The following DSCAML1 variants were observed in gnomAD, a reference collection of about 807,000 sequenced individuals.
DSCAML1 encodes the protein DS cell adhesion molecule like 1.
In DSCAML1, 38 loss-of-function variants were observed where a neutral mutation model predicts 200.5. That is an observed-to-expected ratio of 0.19 (90% CI 0.15 to 0.25). DSCAML1 has a LOEUF of 0.25. Ranked by LOEUF, DSCAML1 falls within the 10% of genes least tolerant of loss-of-function variation. DSCAML1 has a pLI of 1.00. For synonymous variants in DSCAML1, 1,215 were observed against 1,165.0 expected (o/e 1.04, Z -0.87); for missense variants, 2,223 against 2,858.8 (o/e 0.78, Z 5.07).
chr11:117,808,949 G>A (rs922680661), intron 1 of DSCAML1, among the ~76,000 whole-genome samples: 1 of 152,116 alleles, frequency 6.6e-6, no homozygotes, highest in African/African-American at 2.4e-5. Flanking sequence ...CTGAGGCTCC[G>A]AGACACTAAA....
chr11:117,467,960 C>T lies in DSCAML1; in HGVS notation c.3024+1950G>A, dbSNP rs1037388199. 9.2e-5 allele frequency among the ~76,000 whole-genome samples: 14 copies of T among 152,130 alleles called. No homozygotes were observed. The East Asian group carries it at 1.7e-3, about 19-fold the overall frequency. On this transcript the variant is annotated intron_variant, in intron 16 of 32. Transcript: ENST00000651296. ...GTATACCATGATATATACCTGCACA[C>T]GTGACCACATCCACATATACTGACA...
chr11:117,432,358 C>T lies in DSCAML1; in HGVS notation c.5173G>A (p.Gly1725Arg). The T allele has an allele frequency of 6.2e-7, 1 of 1,613,388 alleles. No individual in the cohort carries two copies. Among genetic ancestry groups the T allele is most frequent in the South Asian group, 1.1e-5 (1 of 90,854 alleles). Reference protein sequence around the residue: ...PLIDMSDIRPGTNPVSRKNVK... With the variant: ...PLIDMSDIRPRTNPVSRKNVK... ...CCCTGGGGATAATGCGTACTGGTTC[C>T]TGGCCGGATGTCAGACATGTCGATG... The change falls in exon 30 of 33, where the codon GGA becomes AGA. Residue 1725 changes from glycine (G) to arginine (R), a missense_variant. Coordinates refer to ENST00000651296, the MANE Select transcript of DSCAML1 (RefSeq NM_020693.4).
At position 117,469,559 on chromosome 11, in the gene DSCAML1, C is replaced by G. The variant is rs963605627; in HGVS notation, c.3024+351G>C. Among the ~76,000 whole-genome samples the G allele has an allele frequency of 6.6e-6, 1 of 152,076 alleles. No individual in the cohort carries two copies. The highest frequency in any genetic ancestry group is 6.5e-5 in the Admixed American group (1 of 15,272). On this transcript the variant is annotated intron_variant, in intron 16 of 32. Coordinates refer to ENST00000651296, the MANE Select transcript of DSCAML1 (RefSeq NM_020693.4). This position sits in a 1 kb window ranked among gnomAD's most constrained non-coding sequence, Gnocchi z 4.1. ...GATGTTAGAAAGGAGGAACTTGGCACAAAATCAAACCTACTTCCAACCTTA... is the reference window on the plus strand; with the variant it reads ...GATGTTAGAAAGGAGGAACTTGGCAGAAAATCAAACCTACTTCCAACCTTA...
chr11:117,531,980 A>G (rs2050088363), intron 4 of DSCAML1, among the ~76,000 whole-genome samples: 1 of 151,446 alleles, frequency 6.6e-6, no homozygotes, highest in African/African-American at 2.4e-5. Flanking sequence ...CGAAATAAAG[A>G]AAGAAAGGAA....
chr11:117,481,125 C>T lies in DSCAML1; in HGVS notation c.2656+49G>A, dbSNP rs201736625. On this transcript the variant is annotated intron_variant, in intron 13 of 32. Transcript: ENST00000651296. Reference sequence around the variant, plus strand: ...TTTGAGGTGGAGTTAGCGGTGGGCCCCTGGGCCCTGGGGAGGTGGGATGGG... The same window carrying T: ...TTTGAGGTGGAGTTAGCGGTGGGCCTCTGGGCCCTGGGGAGGTGGGATGGG... The T allele has an allele frequency of 1.9e-3, 2,922 of 1,577,256 alleles. 8 individuals are homozygous for T. The highest frequency in any genetic ancestry group is 1.9e-3 in the Non-Finnish European group (2,169 of 1,147,038).
intron 3 of DSCAML1, among the ~76,000 whole-genome samples, chr11:117,534,453 ATCT>A (rs1266294103): frequency 6.6e-6 from 1 of 151,970 alleles, no homozygotes; most frequent in Non-Finnish European, 1.5e-5. Context: ...GTGACCACTG[ATCT>A]TCTTGGCGCT....
chr11:117,790,435 C>A (rs2055439691), intron 1 of DSCAML1, among the ~76,000 whole-genome samples: 2 of 152,250 alleles, frequency 1.3e-5, no homozygotes, highest in Admixed American at 1.3e-4. Context: ...AGCTGTTCCC[C>A]ATGATGCTGA....
rs191478687 is a variant in DSCAML1 at position 117,554,941 on chromosome 11, C to G, written c.512-22419G>C. On this transcript the variant is annotated intron_variant, in intron 3 of 32. Transcript: ENST00000651296. ...AATGGAGACAGTACCCAAACTCATC[C>G]CCTCTGACTGCTTCCACGTCCCCTG... Among the ~76,000 whole-genome samples, 28 of 152,298 alleles carry G rather than the reference C, an allele frequency of 1.8e-4. No individual in the cohort carries two copies. In the East Asian group the frequency reaches 5.4e-3, roughly 29 times the overall value.
rs533415401 is a variant in DSCAML1, at chr11:117,547,996, C to T, written c.512-15474G>A. Among the ~76,000 whole-genome samples the T allele has an allele frequency of 4.6e-5, 7 of 152,312 alleles. No homozygotes were observed. In the South Asian group the frequency reaches 6.2e-4, roughly 14 times the overall value. Reference sequence around the variant, plus strand: ...CCCTTCCTGGAGAAGACCCCCACCACGGGTCTTTCTGCCTTATGTGCCGCT... The same window carrying T: ...CCCTTCCTGGAGAAGACCCCCACCATGGGTCTTTCTGCCTTATGTGCCGCT... On this transcript the variant is annotated intron_variant, in intron 3 of 32. Transcript: ENST00000651296.
intron 3 of DSCAML1, among the ~76,000 whole-genome samples, chr11:117,766,720 C>T (rs911860406): frequency 1.3e-5 from 2 of 152,184 alleles, no homozygotes; most frequent in Non-Finnish European, 2.9e-5. Context: ...GGAAATGCAG[C>T]GCCTGCCATG....
At position 117,780,807 on chromosome 11, in the gene DSCAML1, C is replaced by T. The variant is rs766813596; in HGVS notation, c.50G>A (p.Arg17His). The T allele has an allele frequency of 4.9e-6, 7 of 1,442,836 alleles. No individual in the cohort carries two copies. Among genetic ancestry groups the T allele is most frequent in the African/African-American group, 1.4e-5 (1 of 69,882 alleles). 89.4% of individuals were successfully genotyped at this position (1,442,836 alleles called of 1,614,324 possible). A position where few individuals can be genotyped will look rare whatever the true frequency, so the allele number is the denominator to read the frequency against. The change falls in exon 2 of 33, where the codon CGC (arginine) becomes CAC (histidine). Residue 17 changes from arginine (R) to histidine (H), a missense_variant. Arg to His is a conservative substitution (Grantham distance 29). This residue lies in a region of DSCAML1 where 579 missense variants were observed against 721.5 expected (regional missense o/e 0.80). Coordinates refer to ENST00000651296, the MANE Select transcript of DSCAML1 (RefSeq NM_020693.4). This position sits in a 1 kb window ranked among gnomAD's most constrained non-coding sequence, Gnocchi z 4.8. ...LLLLDSLHKA[R>H]PEDVGTSLYF... Reference sequence around the variant, plus strand: ...GAGGCTGGTGCCAACATCTTCAGGGCGGGCTGCAGGAGAGGCAAGGGGAGA... The same window carrying T: ...GAGGCTGGTGCCAACATCTTCAGGGTGGGCTGCAGGAGAGGCAAGGGGAGA...
chr11:117,511,477 A>G (rs938637807), intron 8 of DSCAML1, among the ~76,000 whole-genome samples: 3 of 152,184 alleles, frequency 2.0e-5, no homozygotes, highest in Non-Finnish European at 4.4e-5. Flanking sequence ...ATTATTTTTC[A>G]GCTACAGGTG....
chr11:117,580,637 C>G (rs1441852125), intron 3 of DSCAML1, among the ~76,000 whole-genome samples: 1 of 152,146 alleles, frequency 6.6e-6, no homozygotes. Flanking sequence ...TCTGAGGTAC[C>G]AGGGTTCCCT....
chr11:117,496,663 A>G (rs924857743), intron 11 of DSCAML1, among the ~76,000 whole-genome samples: 2 of 152,216 alleles, frequency 1.3e-5, no homozygotes, highest in Admixed American at 1.3e-4. Flanking sequence ...TGGGGACTGC[A>G]GGGATGAGAG....
At chr11:117,746,913 C>A (rs1260237327) in intron 3 of DSCAML1, among the ~76,000 whole-genome samples, 1 of 152,188 alleles carries the variant, frequency 6.6e-6, no homozygotes, top group Admixed American at 6.5e-5. Flanking sequence ...TTTGGACATG[C>A]CTCCAACACA....
intron 6 of DSCAML1, among the ~76,000 whole-genome samples, chr11:117,520,007 C>T (rs1013767936): frequency 2.6e-5 from 4 of 152,126 alleles, no homozygotes; most frequent in African/African-American, 4.8e-5. Context: ...ATCTTTGTTA[C>T]GACAAATCCT....
chr11:117,524,883 C>T lies in DSCAML1; in HGVS notation c.859G>A (p.Glu287Lys), dbSNP rs575971862. ...TGLTISDLRT[E>K]DSGTYICEVT... ...TCACAAATGTAGGTGCCGCTGTCCTCGGTCCGCAAGTCGCTGATGGTCAGC... is the reference window on the plus strand; with the variant it reads ...TCACAAATGTAGGTGCCGCTGTCCTTGGTCCGCAAGTCGCTGATGGTCAGC... Residue 287 changes from glutamate to lysine, a missense_variant, in exon 5 of 33, where the codon GAG becomes AAG. Glu to Lys is a moderately conservative substitution (Grantham distance 56, BLOSUM62 1). This residue lies in a region of DSCAML1 where 579 missense variants were observed against 721.5 expected (regional missense o/e 0.80). Coordinates refer to ENST00000651296, the MANE Select transcript of DSCAML1 (RefSeq NM_020693.4). 19 of 1,610,948 alleles carry T rather than the reference C, an allele frequency of 1.2e-5. No individual in the cohort carries two copies. The highest frequency in any genetic ancestry group is 3.3e-5 in the South Asian group (3 of 90,116).
intron 4 of DSCAML1, among the ~76,000 whole-genome samples, chr11:117,525,589 A>G (rs2049964291): frequency 6.6e-6 from 1 of 151,968 alleles, no homozygotes. Flanking sequence ...CCTCCCAAGT[A>G]GCTGGGCCTA....
At chr11:117,548,266 C>T (rs1026182641) in intron 3 of DSCAML1, among the ~76,000 whole-genome samples, 2 of 152,206 alleles carry the variant, frequency 1.3e-5, no homozygotes, top group African/African-American at 4.8e-5. Flanking sequence ...TCTTCTTCCC[C>T]TCTAACAGTC....
Sources: gnomAD v4.1 joint callset for allele counts (sites outside exome capture counted in the v4.1 genomes callset) on GRCh38, gnomAD v4.1.1 for gene constraint, gnomAD v4.1.1 regional missense constraint, Gnocchi (gnomAD v3.1) non-coding constraint, MANE v1.5 for transcripts, NCBI Gene and HGNC (gene_info 2026-07-23, HGNC 2026-07-21) for gene names.